The following COL19A1 variants were observed in gnomAD, a reference collection of about 807,000 sequenced individuals.
COL19A1 encodes the protein collagen type XIX alpha 1 chain.
COL19A1 carries 159 observed loss-of-function variants against 190.2 expected under a neutral mutation model. The observed-to-expected ratio is 0.84, with a 90% CI of 0.73 to 0.95. The LOEUF (loss-of-function observed/expected upper bound fraction) is 0.95. COL19A1 is among the 40% of genes least tolerant of loss of function. COL19A1 has a pLI of 0.00. For synonymous variants in COL19A1, 509 were observed against 458.9 expected (o/e 1.11, Z -1.39); for missense variants, 1,418 against 1,431.9 (o/e 0.99, Z 0.16).
intron 7 of COL19A1, among the ~76,000 whole-genome samples, chr6:69,933,433 A>G (rs1200692162): frequency 2.0e-5 from 3 of 152,022 alleles, no homozygotes; most frequent in Non-Finnish European, 4.4e-5. Context: ...TCCAGCAAAC[A>G]CTTTATTCAG....
chr6:70,204,930 AC>A (rs2150311011), intron 49 of COL19A1, among the ~76,000 whole-genome samples: 1 of 152,242 alleles, frequency 6.6e-6, no homozygotes, highest in South Asian at 2.1e-4. Flanking sequence ...GTTTCAAATG[AC>A]CCTAAGTATA....
intron 10 of COL19A1, among the ~76,000 whole-genome samples, chr6:69,960,625 T>G (rs1403198498): frequency 3.0e-5 from 3 of 101,350 alleles, no homozygotes; most frequent in African/African-American, 1.6e-4. Flanking sequence ...TGCCCCCACT[T>G]TTTTTTTTTT....
chr6:69,909,376 A>C (rs1428336425), intron 4 of COL19A1, among the ~76,000 whole-genome samples: 2 of 152,128 alleles, frequency 1.3e-5, no homozygotes, highest in East Asian at 3.8e-4. Context: ...AGACAGACTT[A>C]ATTATAATTA....
intron 1 of COL19A1, among the ~76,000 whole-genome samples, chr6:69,875,959 T>C (rs1414190052): frequency 6.6e-6 from 1 of 152,086 alleles, no homozygotes; most frequent in East Asian, 1.9e-4. Flanking sequence ...CAGATCCCAG[T>C]ATTAAGAAAT....
intron 9 of COL19A1, among the ~76,000 whole-genome samples, chr6:69,952,418 C>T (rs1469990977): frequency 6.6e-6 from 1 of 151,638 alleles, no homozygotes; most frequent in African/African-American, 2.4e-5. Flanking sequence ...ACATTCTCCA[C>T]CAAATAAATA....
chr6:70,049,725 T>C (rs951968018), intron 14 of COL19A1, among the ~76,000 whole-genome samples: 20 of 152,070 alleles, frequency 1.3e-4, no homozygotes, highest in Non-Finnish European at 2.9e-4. Context: ...TTTTATTTCA[T>C]GTTGAAATAC....
chr6:70,154,716 C>A (rs560737166), intron 31 of COL19A1, among the ~76,000 whole-genome samples: 2 of 152,174 alleles, frequency 1.3e-5, no homozygotes, highest in African/African-American at 4.8e-5. Flanking sequence ...AAGCTGACAG[C>A]GCAGCCTTCA....
chr6:70,001,255 T>C (rs895026687), intron 11 of COL19A1, among the ~76,000 whole-genome samples: 2 of 152,240 alleles, frequency 1.3e-5, no homozygotes, highest in African/African-American at 4.8e-5. Context: ...AGTATCATGC[T>C]GTTTTGGTTA....
chr6:69,930,015 A>G (rs1481290863), intron 6 of COL19A1, among the ~76,000 whole-genome samples: 1 of 152,192 alleles, frequency 6.6e-6, no homozygotes, highest in African/African-American at 2.4e-5. Flanking sequence ...ACTTGGTCTA[A>G]GTTCATATGT....
intron 4 of COL19A1, among the ~76,000 whole-genome samples, chr6:69,921,513 T>TATTC (rs1561998804): frequency 1.4e-4 from 2 of 14,692 alleles, no homozygotes; most frequent in South Asian, 3.2e-3. Flanking sequence ...TATATTCATA[T>TATTC]GTATATTCAT....
chr6:69,939,949 C>A (rs1308025416), intron 9 of COL19A1, among the ~76,000 whole-genome samples: 1 of 152,090 alleles, frequency 6.6e-6, no homozygotes, highest in African/African-American at 2.4e-5. Context: ...GATTTATACA[C>A]GTTCACATAC....
intron 15 of COL19A1, among the ~76,000 whole-genome samples, chr6:70,095,320 C>G (rs1429825246): frequency 6.6e-6 from 1 of 152,048 alleles, no homozygotes; most frequent in Admixed American, 6.6e-5. Flanking sequence ...TTAAAAAACT[C>G]ATATCCACAG....
chr6:69,898,223 CA>C (rs746878931), intron 2 of COL19A1, among the ~76,000 whole-genome samples: 5 of 152,144 alleles, frequency 3.3e-5, no homozygotes, highest in Non-Finnish European at 7.4e-5. Flanking sequence ...TGGCACAATT[CA>C]AAAATTGGCT....
intron 16 of COL19A1, among the ~76,000 whole-genome samples, chr6:70,113,709 C>T (rs1784402805): frequency 6.6e-6 from 1 of 151,934 alleles, no homozygotes; most frequent in African/African-American, 2.4e-5. Context: ...TTTCTTTCTC[C>T]TGCTCTCTTT....
intron 42 of COL19A1, among the ~76,000 whole-genome samples, chr6:70,179,776 A>G (rs1766047105): frequency 6.6e-6 from 1 of 152,302 alleles, no homozygotes; most frequent in Middle Eastern, 3.4e-3. Flanking sequence ...TCCACCATCC[A>G]CACAAATATA....
At chr6:70,118,257 C>T (rs925430118) in intron 16 of COL19A1, among the ~76,000 whole-genome samples, 3 of 152,180 alleles carry the variant, frequency 2.0e-5, no homozygotes, top group Admixed American at 6.5e-5. Flanking sequence ...GTAGGATAGC[C>T]ACCAATTCTG....
At chr6:69,987,968 A>C (rs1448358619) in intron 11 of COL19A1, among the ~76,000 whole-genome samples, 1 of 152,210 alleles carries the variant, frequency 6.6e-6, no homozygotes, top group Non-Finnish European at 1.5e-5. Context: ...GCATGTAAGA[A>C]AGATAATTAT....
intron 16 of COL19A1, among the ~76,000 whole-genome samples, chr6:70,121,150 A>G (rs1416556000): frequency 1.3e-5 from 2 of 152,128 alleles, no homozygotes; most frequent in African/African-American, 4.8e-5. Context: ...TACTTAATCT[A>G]AAATAATGCT....
chr6:70,090,567 A>G (rs764720897), intron 15 of COL19A1, among the ~76,000 whole-genome samples: 2 of 151,790 alleles, frequency 1.3e-5, no homozygotes, highest in African/African-American at 2.4e-5. Flanking sequence ...ATGACTGTAC[A>G]TATAATCGAC....
Sources: allele counts gnomAD v4.1 joint callset (sites outside exome capture counted in the v4.1 genomes callset), GRCh38; gene constraint gnomAD v4.1.1; transcripts MANE v1.5; gene names NCBI Gene and HGNC (gene_info 2026-07-23, HGNC 2026-07-21).